Variants in AUTS2 observed in about 807,000 individuals in gnomAD.
AUTS2 encodes the protein activator of transcription and developmental regulator AUTS2.
A neutral mutation model predicts 112.4 loss-of-function variants in AUTS2; 17 were observed. The ratio of observed to expected loss-of-function variants is 0.15; its 90% CI spans 0.10 to 0.23. The LOEUF (loss-of-function observed/expected upper bound fraction) is 0.23, where lower values mean the gene tolerates loss of function less well. AUTS2 is among the 10% of genes least tolerant of loss of function. AUTS2 has a pLI of 1.00. For synonymous variants in AUTS2, 751 were observed against 702.7 expected (o/e 1.07, Z -1.09); for missense variants, 1,510 against 1,701.6 (o/e 0.89, Z 1.98).
intron 2 of AUTS2, among the ~76,000 whole-genome samples, chr7:69,917,251 C>T (rs925495599): frequency 6.6e-6 from 1 of 151,406 alleles, no homozygotes; most frequent in Non-Finnish European, 1.5e-5. Context: ...CTGGTGCCCA[C>T]ACATTTTAAT....
At chr7:70,646,405 C>T (rs1260151573) in intron 5 of AUTS2, among the ~76,000 whole-genome samples, 2 of 152,198 alleles carry the variant, frequency 1.3e-5, no homozygotes, top group Non-Finnish European at 2.9e-5. Flanking sequence ...GTGAGCTTGC[C>T]GTCACATCCA....
intron 4 of AUTS2, among the ~76,000 whole-genome samples, chr7:70,196,266 A>G (rs1222709203): frequency 6.6e-6 from 1 of 152,206 alleles, no homozygotes; most frequent in South Asian, 2.1e-4. Flanking sequence ...GTTGAAGAGG[A>G]TAGTACACAA....
chr7:70,192,857 C>T (rs962467721), intron 4 of AUTS2, among the ~76,000 whole-genome samples: 7 of 151,974 alleles, frequency 4.6e-5, no homozygotes, highest in Non-Finnish European at 1.0e-4. Flanking sequence ...ATGACATGGA[C>T]GGGGGGAGTC....
chr7:70,370,670 G>A (rs1792798930), intron 4 of AUTS2, among the ~76,000 whole-genome samples: 1 of 152,092 alleles, frequency 6.6e-6, no homozygotes, highest in African/African-American at 2.4e-5. Flanking sequence ...TTGTGGATAT[G>A]TTTTCATTTC....
chr7:70,512,699 T>C (rs1799245412), intron 5 of AUTS2, among the ~76,000 whole-genome samples: 1 of 152,144 alleles, frequency 6.6e-6, no homozygotes, highest in African/African-American at 2.4e-5. Flanking sequence ...TTGGAATTCT[T>C]TTTAATTGAC....
chr7:70,571,045 T>C (rs575842844), intron 5 of AUTS2, among the ~76,000 whole-genome samples: 1 of 152,352 alleles, frequency 6.6e-6, no homozygotes, highest in South Asian at 2.1e-4. Context: ...AGCCTTACAA[T>C]GTATAGTATA....
chr7:69,859,505 A>C (rs112031866), intron 1 of AUTS2, among the ~76,000 whole-genome samples: 148 of 152,336 alleles, frequency 9.7e-4, no homozygotes, highest in Non-Finnish European at 1.9e-3. Context: ...TCTCAGACTC[A>C]TATTCATTTG....
At position 70,105,459 on chromosome 7, in the gene AUTS2, A is replaced by G. The variant is rs774582472; in HGVS notation, c.523-12673A>G. Among the ~76,000 whole-genome samples the G allele has an allele frequency of 3.3e-5, 5 of 152,000 alleles. No homozygotes were observed. In the East Asian group the frequency reaches 5.8e-4, roughly 18 times the overall value. ...TTTTTTTTAGTGATTGAGTCTTGCT[A>G]TGTTTCCCACGCTGATCTTGAACTT... is the stretch of plus-strand genomic sequence containing the variant. On this transcript the variant is annotated intron_variant, in intron 2 of 18. Coordinates refer to ENST00000342771, the MANE Select transcript of AUTS2 (RefSeq NM_015570.4).
intron 2 of AUTS2, among the ~76,000 whole-genome samples, chr7:70,007,935 G>A (rs1455070797): frequency 6.6e-6 from 1 of 152,154 alleles, no homozygotes; most frequent in Non-Finnish European, 1.5e-5. Flanking sequence ...TGGGGTGAAT[G>A]ATTGCTCAGT....
chr7:70,731,390 A>G (rs1465572781), intron 6 of AUTS2, among the ~76,000 whole-genome samples: 1 of 148,732 alleles, frequency 6.7e-6, no homozygotes, highest in Non-Finnish European at 1.5e-5. Context: ...TAAGAATAGC[A>G]CAAAGCTCAT....
chr7:69,712,882 G>A (rs994406857), intron 1 of AUTS2, among the ~76,000 whole-genome samples: 2 of 152,140 alleles, frequency 1.3e-5, no homozygotes, highest in African/African-American at 4.8e-5. Flanking sequence ...GCCAACACTT[G>A]ATATAGTTGA....
At chr7:69,789,038 C>T (rs528772248) in intron 1 of AUTS2, among the ~76,000 whole-genome samples, 1 of 152,224 alleles carries the variant, frequency 6.6e-6, no homozygotes, top group East Asian at 1.9e-4. Context: ...AGTCTTTAGG[C>T]AAGGAGTATT....
At chr7:69,956,241 C>T (rs772889670) in intron 2 of AUTS2, among the ~76,000 whole-genome samples, 3 of 152,004 alleles carry the variant, frequency 2.0e-5, no homozygotes, top group Non-Finnish European at 2.9e-5. Flanking sequence ...GTATGGCTTT[C>T]AAAACATTTT....
At chr7:69,696,981 G>A (rs1584090423) in intron 1 of AUTS2, among the ~76,000 whole-genome samples, 1 of 152,202 alleles carries the variant, frequency 6.6e-6, no homozygotes, top group African/African-American at 2.4e-5. Flanking sequence ...TTATTCAGTT[G>A]TCTCACTTCT....
At chr7:70,006,388 A>T (rs1310867828) in intron 2 of AUTS2, among the ~76,000 whole-genome samples, 1 of 152,198 alleles carries the variant, frequency 6.6e-6, no homozygotes, top group Non-Finnish European at 1.5e-5. Context: ...TGCTTGAAAA[A>T]AGAAAGGCAG....
intron 1 of AUTS2, among the ~76,000 whole-genome samples, chr7:69,759,440 T>C (rs1788074227): frequency 6.6e-6 from 1 of 152,186 alleles, no homozygotes; most frequent in African/African-American, 2.4e-5. Context: ...CAGCTGCTCA[T>C]GTGAGTCCAG....
At chr7:70,168,482 A>T (rs991850847) in intron 4 of AUTS2, among the ~76,000 whole-genome samples, 5 of 151,980 alleles carry the variant, frequency 3.3e-5, no homozygotes, top group African/African-American at 1.2e-4. Flanking sequence ...CACCTGGCTA[A>T]TTTTTGTATT....
intron 1 of AUTS2, among the ~76,000 whole-genome samples, chr7:69,611,748 G>C (rs920969786): frequency 4.6e-5 from 7 of 150,654 alleles, no homozygotes; most frequent in Admixed American, 4.6e-4. Flanking sequence ...GGCTAACAAG[G>C]TGAAACCCCG....
intron 4 of AUTS2, among the ~76,000 whole-genome samples, chr7:70,307,011 T>C (rs1789523398): frequency 6.6e-6 from 1 of 152,178 alleles, no homozygotes; most frequent in South Asian, 2.1e-4. Flanking sequence ...TAGATAACTG[T>C]TTTTGTAATG....
Sources: allele counts gnomAD v4.1 joint callset (sites outside exome capture counted in the v4.1 genomes callset), GRCh38; gene constraint gnomAD v4.1.1; transcripts MANE v1.5; gene names NCBI Gene and HGNC (gene_info 2026-07-23, HGNC 2026-07-21).